CPA1: variants seen among roughly 807,000 people sequenced by gnomAD.
CPA1 encodes carboxypeptidase A1.
In CPA1, 42 loss-of-function variants were observed where a neutral mutation model predicts 48.7. That is an observed-to-expected ratio of 0.86 (90% CI 0.67 to 1.11). The LOEUF (loss-of-function observed/expected upper bound fraction) is 1.11. Among genes scored for constraint, CPA1 ranks in the 50% most tolerant of loss-of-function variants. CPA1 has a pLI of 0.00. For synonymous variants in CPA1, 203 were observed against 217.9 expected (o/e 0.93, Z 0.60); for missense variants, 477 against 544.7 (o/e 0.88, Z 1.24).
chr7:130,382,790 C>T (rs1796423853), intron 4 of CPA1, among the ~76,000 whole-genome samples: 2 of 151,052 alleles, frequency 1.3e-5, no homozygotes. Flanking sequence ...ATTACAGGCG[C>T]CTGCCACCAC....
chr7:130,383,692 AGACT>A lies in CPA1; in HGVS notation c.595_598del (p.Asp199ThrfsTer91). On this transcript the variant is annotated frameshift_variant, in exon 6 of 10. Transcript: ENST00000011292. LOFTEE classifies it high-confidence loss of function. ...CTCCTCTAACCCCCCAGATCACTCA[AGACT>A]ACGGGCAGGATGCAGCTTTCACCGC... 1 of 1,613,668 alleles carries A rather than the reference AGACT, an allele frequency of 6.2e-7. No individual in the cohort carries two copies. The highest frequency in any genetic ancestry group is 1.7e-5 in the Admixed American group (1 of 60,030).
chr7:130,381,504 A>T, intron 2 of CPA1, 126 bp from the exon 3 acceptor site: 1 of 686,836 alleles, frequency 1.5e-6, no homozygotes, highest in Non-Finnish European at 2.5e-6. Flanking sequence ...ATTACCCCTG[A>T]CCTATCCCCA....
At chr7:130,383,825 C>T in intron 6 of CPA1, 31 bp downstream of exon 6, 1 of 1,472,282 alleles carries the variant, frequency 6.8e-7, no homozygotes, top group Non-Finnish European at 9.5e-7. Context: ...TTGGGGGAAG[C>T]AGGATGGGCC....
chr7:130,385,761 C>G, intron 8 of CPA1, 78 bp from the exon 9 acceptor site: 1 of 1,207,766 alleles, frequency 8.3e-7, no homozygotes, highest in Non-Finnish European at 1.2e-6. Flanking sequence ...GGCTCCCCTG[C>G]CAGCCCCCAG....
intron 9 of CPA1, 105 bp downstream of exon 9, chr7:130,386,028 A>T: frequency 1.0e-6 from 1 of 978,610 alleles, no homozygotes; most frequent in Non-Finnish European, 1.6e-6. Flanking sequence ...AAGGGCACCC[A>T]GATCTGTCAA....
At position 130,385,001 on chromosome 7, in the gene CPA1, T is replaced by C. The variant is rs113805190; in HGVS notation, c.788-145T>C. The C allele has an allele frequency of 6.0e-4, 462 of 776,448 alleles. 3 individuals carry two copies. In the African/African-American group the frequency reaches 7.5e-3, roughly 13 times the overall value. 48.1% of individuals were successfully genotyped at this position (776,448 alleles called of 1,614,324 possible). A position where few individuals can be genotyped will look rare whatever the true frequency, so the allele number is the denominator to read the frequency against. ...CTGGGAGGGCAGTTCCCCCAGGTTA[T>C]AGAAGGCCTTTGGGCTTTCCTGAAT... On this transcript the variant is annotated intron_variant, in intron 7 of 9. Coordinates refer to ENST00000011292, the MANE Select transcript of CPA1 (RefSeq NM_001868.4).
intron 7 of CPA1, 94 bp downstream of exon 7, chr7:130,384,720 G>T: frequency 9.3e-7 from 1 of 1,080,730 alleles, no homozygotes. Context: ...TGCCCCTGCA[G>T]TGAGGGGAGG....
rs34457825 is a variant in CPA1, at chr7:130,382,630, ATT to A, written c.483+444_483+445del. Among the ~76,000 whole-genome samples, 313 of 74,354 alleles carry A rather than the reference ATT, an allele frequency of 4.2e-3. 3 individuals carry two copies. Among genetic ancestry groups the A allele is most frequent in the African/African-American group, 0.016 (264 of 16,812 alleles). 48.8% of individuals were successfully genotyped at this position (74,354 alleles called of 152,430 possible). On this transcript the variant is annotated intron_variant, in intron 4 of 9. Transcript: ENST00000011292. ...AAGCACGTGCCACCATGCCCGGGTA[ATT>A]TTTTTTTTTTTTTTTTTTTTTTGAG...
At chr7:130,380,956 T>C (rs1257555028) in intron 1 of CPA1, 142 bp from the exon 2 acceptor site, 1 of 701,910 alleles carries the variant, frequency 1.4e-6, no homozygotes, top group Non-Finnish European at 2.6e-6. Context: ...GTTGAGACCC[T>C]TGGTGCTGTC....
chr7:130,381,333 G>C (rs1339728535), intron 2 of CPA1, among the ~76,000 whole-genome samples, 154 bp downstream of exon 2: 1 of 152,026 alleles, frequency 6.6e-6, no homozygotes, highest in Admixed American at 6.5e-5. Context: ...CCCAGCTCCA[G>C]AGCCTTGCTG....
At chr7:130,384,234 G>A (rs1554411661) in intron 6 of CPA1, 2 of 481,400 alleles carry the variant, frequency 4.2e-6, no homozygotes, top group African/African-American at 1.9e-5. Context: ...AGGACACCTC[G>A]CAGCTTCTTC....
At chr7:130,383,513 AG>A (rs782133193) in intron 5 of CPA1, 21 bp downstream of exon 5, 2 of 1,594,180 alleles carry the variant, frequency 1.3e-6, no homozygotes, top group East Asian at 4.5e-5. Context: ...GGAGGTGAGG[AG>A]GGCTCTCACC....
chr7:130,381,157 T>A lies in CPA1; in HGVS notation c.125T>A (p.Leu42Gln). Residue 42 changes from leucine (L) to glutamine (Q), a missense_variant, in exon 2 of 10, where the codon CTG becomes CAG. Transcript: ENST00000011292. The stretch of plus-strand genomic sequence containing the variant: ...GCCCAGGTACAGAAGGTGAAGGAGC[T>A]GGAGGACCTGGAGCACCTGCAGGTC... ...DEAQVQKVKE[L>Q]EDLEHLQLDF... The A allele has an allele frequency of 6.2e-7, 1 of 1,613,308 alleles. No individual in the cohort carries two copies. Among genetic ancestry groups the A allele is most frequent in the Non-Finnish European group, 8.5e-7 (1 of 1,179,698 alleles).
At chr7:130,384,472 CCA>C in intron 6 of CPA1, 62 bp from the exon 7 acceptor site, 1 of 1,452,670 alleles carries the variant, frequency 6.9e-7, no homozygotes, top group Non-Finnish European at 9.7e-7. Context: ...GAACCACCCC[CCA>C]CCCAGCACTG....
chr7:130,382,864 C>T (rs948213276), intron 4 of CPA1, among the ~76,000 whole-genome samples: 1 of 151,700 alleles, frequency 6.6e-6, no homozygotes, highest in African/African-American at 2.4e-5. Flanking sequence ...AGGATGGTCT[C>T]GATCTCCTGA....
At chr7:130,381,961 C>A in intron 3 of CPA1, 98 bp downstream of exon 3, 3 of 1,239,110 alleles carry the variant, frequency 2.4e-6, no homozygotes, top group South Asian at 1.4e-5. Flanking sequence ...CCTGGGTGTG[C>A]GCAGCGCCTG....
intron 2 of CPA1, 24 bp from the exon 3 acceptor site, chr7:130,381,606 C>A (rs781868944): frequency 1.3e-6 from 2 of 1,587,350 alleles, no homozygotes; most frequent in Non-Finnish European, 1.7e-6. Flanking sequence ...CCGCTGTGAC[C>A]GTGCCGGCTC....
intron 6 of CPA1, 128 bp downstream of exon 6, chr7:130,383,922 C>T (rs1344662752): frequency 8.1e-6 from 6 of 738,044 alleles, no homozygotes; most frequent in Admixed American, 6.1e-5. Context: ...TGCTCCTAGC[C>T]GAGGGTGTCT....
Position 130,385,350 on chromosome 7 carries a change from G to A in CPA1, c.987+5G>A. 1 of 1,614,024 alleles carries A rather than the reference G, an allele frequency of 6.2e-7. No individual in the cohort carries two copies. Among genetic ancestry groups the A allele is most frequent in the Non-Finnish European group, 8.5e-7 (1 of 1,179,954 alleles). On this transcript the variant is annotated splice_donor_5th_base_variant and intron_variant, in intron 8 of 9. Coordinates refer to ENST00000011292, the MANE Select transcript of CPA1 (RefSeq NM_001868.4). Reference sequence around the variant, plus strand: ...GTCCCTGACCAGGATGAGCTGGTAGGCACTGACCTCGGCTTGCCCCCTCGT... The same window carrying A: ...GTCCCTGACCAGGATGAGCTGGTAGACACTGACCTCGGCTTGCCCCCTCGT...
Sources: gnomAD v4.1 joint callset for allele counts (sites outside exome capture counted in the v4.1 genomes callset) on GRCh38, gnomAD v4.1.1 for gene constraint, MANE v1.5 for transcripts, NCBI Gene and HGNC (gene_info 2026-07-23, HGNC 2026-07-21) for gene names.